Variants in LONRF1 observed in about 807,000 individuals in gnomAD.
The protein encoded by LONRF1 is LON peptidase N-terminal domain and RING finger protein 1.
A neutral mutation model predicts 85.8 loss-of-function variants in LONRF1; 37 were observed. The ratio of observed to expected loss-of-function variants is 0.43; its 90% CI spans 0.33 to 0.57. The LOEUF (loss-of-function observed/expected upper bound fraction) is 0.57. Ranked by LOEUF, LONRF1 falls within the 20% of genes least tolerant of loss-of-function variation. The pLI is 0.04. For missense variants in LONRF1, 1,036 were observed against 978.0 expected (o/e 1.06, Z -0.79); for synonymous variants, 517 against 390.1 (o/e 1.33, Z -3.83).
At chr8:12,739,832 G>A (rs1798861505) in intron 3 of LONRF1, among the ~76,000 whole-genome samples, 1 of 152,182 alleles carries the variant, frequency 6.6e-6, no homozygotes, top group Non-Finnish European at 1.5e-5. Flanking sequence ...ACATGGAACA[G>A]TCAGAAAACA....
intron 1 of LONRF1, among the ~76,000 whole-genome samples, chr8:12,751,296 G>GGTTTTTTTTTGTTTGTT (rs1365011980): frequency 2.6e-4 from 18 of 69,532 alleles, no homozygotes; most frequent in Non-Finnish European, 4.0e-4. Context: ...TTATTTTTAT[G>GGTTTTTTTTTGTTTGTT]TTTTTTTTTT....
chr8:12,727,504 T>G (rs578203130), intron 10 of LONRF1, among the ~76,000 whole-genome samples: 5 of 152,024 alleles, frequency 3.3e-5, no homozygotes, highest in Non-Finnish European at 4.4e-5. Context: ...TACTAGACAT[T>G]CCGAGGACCA....
chr8:12,755,495 G>T lies in LONRF1; in HGVS notation c.-75C>A, dbSNP rs1489004201. The T allele has an allele frequency of 5.0e-6, 4 of 803,404 alleles. No individual in the cohort carries two copies. The highest frequency in any genetic ancestry group is 6.1e-6 in the Non-Finnish European group (4 of 657,476). The allele number at this position is 803,404 out of a possible 1,614,324, so 49.8% of individuals were successfully genotyped here. A position where few individuals can be genotyped will look rare whatever the true frequency, so the allele number is the denominator to read the frequency against. Reference sequence around the variant, plus strand: ...CTCCCGGGCGCGCGGCTCCGCACGCGGCCCGCGAGCAGGGGGGCGTGGCGC... The same window carrying T: ...CTCCCGGGCGCGCGGCTCCGCACGCTGCCCGCGAGCAGGGGGGCGTGGCGC... On this transcript the variant is annotated 5_prime_UTR_variant, in exon 1 of 12. Transcript: ENST00000398246.
chr8:12,729,447 A>AC, intron 8 of LONRF1, 115 bp from the exon 9 acceptor site: 1 of 1,032,174 alleles, frequency 9.7e-7, no homozygotes, highest in Non-Finnish European at 1.4e-6. Context: ...CAAAAAAAGA[A>AC]TTAGTTCTAA....
chr8:12,730,474 ATG>A (rs1301905195), intron 8 of LONRF1, among the ~76,000 whole-genome samples: 1 of 152,134 alleles, frequency 6.6e-6, no homozygotes, highest in African/African-American at 2.4e-5. Flanking sequence ...TGTTTAAAAT[ATG>A]TGTTTTAAGA....
chr8:12,740,449 A>ATAT (rs1798887042), intron 3 of LONRF1, among the ~76,000 whole-genome samples: 1 of 152,320 alleles, frequency 6.6e-6, no homozygotes, highest in African/African-American at 2.4e-5. Flanking sequence ...GGAAAGTGAC[A>ATAT]TATGGAGTAT....
At chr8:12,726,522 G>A (rs993181845) in intron 10 of LONRF1, among the ~76,000 whole-genome samples, 2 of 152,204 alleles carry the variant, frequency 1.3e-5, no homozygotes, top group Non-Finnish European at 2.9e-5. Context: ...TTAGACTACT[G>A]GGTCACCAAA....
At chr8:12,739,724 T>C (rs1798857104) in intron 3 of LONRF1, among the ~76,000 whole-genome samples, 1 of 152,186 alleles carries the variant, frequency 6.6e-6, no homozygotes, top group Non-Finnish European at 1.5e-5. Flanking sequence ...AAACAAATAG[T>C]TACAGAAATA....
intron 2 of LONRF1, among the ~76,000 whole-genome samples, chr8:12,741,660 T>C (rs990885635): frequency 6.6e-6 from 1 of 152,150 alleles, no homozygotes; most frequent in Non-Finnish European, 1.5e-5. Flanking sequence ...TAAGAATCCA[T>C]CAAAATTAAA....
At chr8:12,746,650 C>T (rs1799166325) in intron 1 of LONRF1, among the ~76,000 whole-genome samples, 1 of 152,190 alleles carries the variant, frequency 6.6e-6, no homozygotes, top group African/African-American at 2.4e-5. Context: ...ACATTATTAA[C>T]ACCACTATGT....
chr8:12,747,613 C>T (rs1156452999), intron 1 of LONRF1, among the ~76,000 whole-genome samples: 1 of 144,450 alleles, frequency 6.9e-6, no homozygotes, highest in Non-Finnish European at 1.6e-5. Context: ...AGGAGGTTAG[C>T]CTTCTAGGCA....
At chr8:12,744,741 A>G (rs1041407865) in intron 1 of LONRF1, among the ~76,000 whole-genome samples, 1 of 152,310 alleles carries the variant, frequency 6.6e-6, no homozygotes, top group East Asian at 1.9e-4. Flanking sequence ...CCAGGCTATA[A>G]AAGACTAGGC....
rs1229743963 is a variant in LONRF1 at position 12,731,988 on chromosome 8, G to A, written c.1567-131C>T. The A allele has an allele frequency of 1.9e-5, 16 of 854,644 alleles. No individual in the cohort carries two copies. The East Asian group carries it at 3.2e-4, about 17-fold the overall frequency. The allele number at this position is 854,644 out of a possible 1,614,324, so 52.9% of individuals were successfully genotyped here. Reference sequence around the variant, plus strand: ...TCAATTCTGGATTAATTAGTGAGGGGAACATTACAATGGATGATGCTAAGC... The same window carrying A: ...TCAATTCTGGATTAATTAGTGAGGGAAACATTACAATGGATGATGCTAAGC... On this transcript the variant is annotated intron_variant, in intron 7 of 11. Coordinates refer to ENST00000398246, the MANE Select transcript of LONRF1 (RefSeq NM_152271.5).
At chr8:12,743,318 TAA>T in intron 1 of LONRF1, 36 bp from the exon 2 acceptor site, 2 of 1,202,532 alleles carry the variant, frequency 1.7e-6, no homozygotes, top group Non-Finnish European at 1.2e-6. Context: ...TGATTATTTT[TAA>T]AAGATTATTA....
At chr8:12,734,162 G>A (rs868135827) in intron 7 of LONRF1, among the ~76,000 whole-genome samples, 16 of 152,138 alleles carry the variant, frequency 1.1e-4, no homozygotes, top group African/African-American at 3.9e-4. Context: ...TAAAAACATT[G>A]AGCATATTAG....
chr8:12,753,041 G>C (rs1285359586), intron 1 of LONRF1: 2 of 152,248 alleles, frequency 1.3e-5, no homozygotes, highest in African/African-American at 4.8e-5. Flanking sequence ...TCAGTTACTA[G>C]GTGGTCTGTA....
intron 10 of LONRF1, among the ~76,000 whole-genome samples, chr8:12,728,055 G>C (rs1163099955): frequency 6.6e-6 from 1 of 152,166 alleles, no homozygotes; most frequent in Non-Finnish European, 1.5e-5. Context: ...TAATGTTTGT[G>C]AAAATACCTA....
intron 7 of LONRF1, among the ~76,000 whole-genome samples, chr8:12,734,520 G>A (rs1798646324): frequency 6.6e-6 from 1 of 152,106 alleles, no homozygotes; most frequent in African/African-American, 2.4e-5. Flanking sequence ...CTGACAGTAG[G>A]TGATCTGCAG....
At position 12,754,844 on chromosome 8, in the gene LONRF1, T is replaced by C. The variant is rs1799567640; in HGVS notation, c.577A>G (p.Thr193Ala). Residue 193 changes from threonine (T) to alanine (A), a missense_variant, in exon 1 of 12, where the codon ACC becomes GCC. Physicochemically the swap from Thr to Ala is moderately conservative, Grantham distance 58. Coordinates refer to ENST00000398246, the MANE Select transcript of LONRF1 (RefSeq NM_152271.5). The part of the protein sequence containing the change: ...AAAIAASDFR[T>A]SVVLNHLAEK... Reference sequence around the variant, plus strand: ...GCCAGGTGGTTGAGGACGACGCTGGTTCTGAAGTCTGAAGCGGCGATGGCG... The same window carrying C: ...GCCAGGTGGTTGAGGACGACGCTGGCTCTGAAGTCTGAAGCGGCGATGGCG... 6.7e-7 allele frequency: 1 copy of C among 1,482,662 alleles called. No homozygotes were observed. The highest frequency in any genetic ancestry group is 8.9e-7 in the Non-Finnish European group (1 of 1,120,026). The allele number at this position is 1,482,662 out of a possible 1,614,324, so 91.8% of individuals were successfully genotyped here. A position where few individuals can be genotyped will look rare whatever the true frequency, so the allele number is the denominator to read the frequency against.
Sources: gnomAD v4.1 joint callset for allele counts (sites outside exome capture counted in the v4.1 genomes callset) on GRCh38, gnomAD v4.1.1 for gene constraint, MANE v1.5 for transcripts, NCBI Gene and HGNC (gene_info 2026-07-23, HGNC 2026-07-21) for gene names.